The following GAB1 variants were observed in gnomAD, a reference collection of about 807,000 sequenced individuals.
GAB1 encodes the protein GRB2-associated-binding protein 1.
A neutral mutation model predicts 66.5 loss-of-function variants in GAB1; 19 were observed. The observed-to-expected ratio is 0.29, with a 90% CI of 0.20 to 0.42. The LOEUF is 0.42. GAB1 is among the 10% of genes least tolerant of loss of function. GAB1 has a pLI of 1.00. For synonymous variants in GAB1, 294 were observed against 301.4 expected (o/e 0.98, Z 0.25); for missense variants, 732 against 858.5 (o/e 0.85, Z 1.84).
At chr4:143,467,032 C>G (rs1260552326) in intron 9 of GAB1, among the ~76,000 whole-genome samples, 1 of 152,144 alleles carries the variant, frequency 6.6e-6, no homozygotes, top group East Asian at 1.9e-4. Flanking sequence ...ATTTTCCCTC[C>G]ACCTGAAATA....
chr4:143,428,233 GT>G (rs1160043929), intron 2 of GAB1, among the ~76,000 whole-genome samples: 25 of 152,184 alleles, frequency 1.6e-4, no homozygotes, highest in East Asian at 1.5e-3. Flanking sequence ...GTCAGATCTA[GT>G]TTTATTTCCT....
At chr4:143,395,519 T>C (rs905143631) in intron 1 of GAB1, 36 of 197,066 alleles carry the variant, frequency 1.8e-4, no homozygotes, top group Non-Finnish European at 3.5e-4. Context: ...AAAGGGACCT[T>C]GAACACAAAA....
chr4:143,379,806 T>G (rs1457168027), intron 1 of GAB1, among the ~76,000 whole-genome samples: 1 of 151,970 alleles, frequency 6.6e-6, no homozygotes, highest in Non-Finnish European at 1.5e-5. Context: ...CAGGCTGGCC[T>G]TGAACTCCTG....
At chr4:143,440,877 C>T (rs1225713724) in intron 6 of GAB1, among the ~76,000 whole-genome samples, 3 of 152,196 alleles carry the variant, frequency 2.0e-5, no homozygotes. Context: ...CCAACCCAAA[C>T]ACTTCTGCAA....
intron 6 of GAB1, among the ~76,000 whole-genome samples, chr4:143,455,139 G>A (rs1344477600): frequency 6.6e-6 from 1 of 151,972 alleles, no homozygotes; most frequent in Non-Finnish European, 1.5e-5. Flanking sequence ...TCTTTTTGTT[G>A]TCATATAGGG....
rs1736025934 is a variant in GAB1, at chr4:143,470,550, CA to C, written c.*1363del. On this transcript the variant is annotated 3_prime_UTR_variant, in exon 10 of 10. Transcript: ENST00000262994. ...TCCTGTGACATAGATATTAAGACCA[CA>C]AGTTGTAGTGAGGCTACAATTATAT... is the stretch of plus-strand genomic sequence containing the variant. 6.6e-6 allele frequency: 1 copy of C among 152,216 alleles called. No individual in the cohort carries two copies. The highest frequency in any genetic ancestry group is 2.4e-5 in the African/African-American group (1 of 41,452). 9.4% of individuals were successfully genotyped at this position (152,216 alleles called of 1,614,324 possible).
At chr4:143,360,788 G>A (rs1181745681) in intron 1 of GAB1, among the ~76,000 whole-genome samples, 2 of 151,992 alleles carry the variant, frequency 1.3e-5, no homozygotes, top group South Asian at 2.1e-4. Context: ...AAAAGTTACT[G>A]GTAATAAGCC....
intron 1 of GAB1, among the ~76,000 whole-genome samples, chr4:143,367,273 GTT>G: frequency 1.9e-5 from 1 of 53,068 alleles, no homozygotes; most frequent in East Asian, 3.7e-4. Flanking sequence ...GTGATCTAAT[GTT>G]GTGCATGTAG....
chr4:143,413,249 G>A (rs1306016931), intron 1 of GAB1, among the ~76,000 whole-genome samples: 2 of 152,140 alleles, frequency 1.3e-5, no homozygotes, highest in African/African-American at 2.4e-5. Context: ...CTTACTGCTT[G>A]AGAGGGAAGT....
chr4:143,409,226 G>T (rs1732226895), intron 1 of GAB1, among the ~76,000 whole-genome samples: 2 of 152,170 alleles, frequency 1.3e-5, no homozygotes, highest in Non-Finnish European at 2.9e-5. Context: ...GGGAAATAAG[G>T]TATTTCAGAC....
At chr4:143,349,949 C>T (rs751667564) in intron 1 of GAB1, 36 of 1,594,594 alleles carry the variant, frequency 2.3e-5, no homozygotes, top group Admixed American at 1.7e-4. Flanking sequence ...ATGTCCTTGA[C>T]CAAGCGGCCC....
chr4:143,400,614 CCA>C (rs1731718320), intron 1 of GAB1, among the ~76,000 whole-genome samples: 1 of 151,982 alleles, frequency 6.6e-6, no homozygotes, highest in Non-Finnish European at 1.5e-5. Context: ...AGAATCAAAT[CCA>C]GTTACCAAAA....
At chr4:143,417,797 T>C (rs1036410595) in intron 2 of GAB1, among the ~76,000 whole-genome samples, 5 of 152,202 alleles carry the variant, frequency 3.3e-5, no homozygotes, top group Admixed American at 1.3e-4. Context: ...GGGACTCCAG[T>C]ACAAAGTAGT....
At chr4:143,449,284 G>A (rs962451051) in intron 6 of GAB1, among the ~76,000 whole-genome samples, 270 of 151,988 alleles carry the variant, frequency 1.8e-3, no homozygotes, top group Middle Eastern at 6.8e-3. Flanking sequence ...GGGGTGGAGA[G>A]TTCTGTAGAT....
chr4:143,380,416 T>G (rs891917159), intron 1 of GAB1, among the ~76,000 whole-genome samples: 3 of 152,198 alleles, frequency 2.0e-5, no homozygotes, highest in African/African-American at 7.2e-5. Context: ...TTCTTCAATT[T>G]TAAGGCAGAA....
intron 1 of GAB1, among the ~76,000 whole-genome samples, chr4:143,390,036 A>G (rs181301438): frequency 2.0e-5 from 3 of 152,328 alleles, no homozygotes; most frequent in East Asian, 1.9e-4. Flanking sequence ...AGGCTCTTTC[A>G]TAATAAACAT....
rs1365645507 is a variant in GAB1 at position 143,474,321 on chromosome 4, G to C, written c.*5132G>C. 6.6e-6 allele frequency: 1 copy of C among 152,024 alleles called. No homozygotes were observed. The highest frequency in any genetic ancestry group is 1.5e-5 in the Non-Finnish European group (1 of 68,014). 9.4% of individuals were successfully genotyped at this position (152,024 alleles called of 1,614,324 possible). On this transcript the variant is annotated 3_prime_UTR_variant, in exon 10 of 10. Transcript: ENST00000262994. The stretch of plus-strand genomic sequence containing the variant: ...GATTTTGTGTTCCATGAGGTGCTTG[G>C]AACATTTGGAGTGCTCTGTGCGAGG...
At chr4:143,363,517 A>G (rs1033327407) in intron 1 of GAB1, among the ~76,000 whole-genome samples, 2 of 152,220 alleles carry the variant, frequency 1.3e-5, no homozygotes, top group Admixed American at 1.3e-4. Context: ...GGGGAGCCCA[A>G]GAGCATAGTT....
At chr4:143,422,016 A>G (rs1465974498) in intron 2 of GAB1, among the ~76,000 whole-genome samples, 1 of 152,302 alleles carries the variant, frequency 6.6e-6, no homozygotes, top group East Asian at 1.9e-4. Context: ...AGAAACTGCA[A>G]TGCAGGCTGC....
Sources: allele counts gnomAD v4.1 joint callset (sites outside exome capture counted in the v4.1 genomes callset), GRCh38; gene constraint gnomAD v4.1.1; transcripts MANE v1.5; gene names NCBI Gene and HGNC (gene_info 2026-07-23, HGNC 2026-07-21).